HEATR9: variants seen among roughly 807,000 people sequenced by gnomAD.
HEATR9 encodes protein HEATR9.
HEATR9 carries 54 observed loss-of-function variants against 68.2 expected under a neutral mutation model. The observed-to-expected ratio is 0.79, with a 90% CI of 0.64 to 0.99. The LOEUF is 0.99. Among genes scored for constraint, HEATR9 ranks in the 50% least tolerant of loss-of-function variants. The pLI is 0.00. For missense variants in HEATR9, 662 were observed against 679.7 expected, an observed-to-expected ratio of 0.97 and a Z score of 0.29; for synonymous variants, 241 against 253.5, an observed-to-expected ratio of 0.95 and a Z score of 0.47.
rs766659204 is a variant in HEATR9 at position 35,856,154 on chromosome 17, G to GAAGC, written c.1278+15_1278+18dup. 1.1e-5 allele frequency: 17 copies of GAAGC among 1,612,744 alleles called. No individual in the cohort carries two copies. In the East Asian group the frequency reaches 3.3e-4, roughly 32 times the overall value. On this transcript the variant is annotated intron_variant, in intron 13 of 14. Coordinates refer to ENST00000604834, the MANE Select transcript of HEATR9 (RefSeq NM_152781.4). ...CCATCAACACAGGAATTGGGTCAGAGAAGCAGAGCCTGCCTTACCAAAGAG... is the reference window on the plus strand; with the variant it reads ...CCATCAACACAGGAATTGGGTCAGAGAAGCAAGCAGAGCCTGCCTTACCAAAGAG...
At chr17:35,859,221 C>T in intron 8 of HEATR9, 151 bp from the exon 9 acceptor site, 1 of 696,096 alleles carries the variant, frequency 1.4e-6, no homozygotes, top group Non-Finnish European at 2.4e-6. Flanking sequence ...CACCTACTTG[C>T]TTCTAGGTCA....
Position 35,861,431 on chromosome 17 carries a change from G to C in HEATR9, c.756+1564C>G. 3 of 1,606,740 alleles carry C rather than the reference G, an allele frequency of 1.9e-6. No homozygotes were observed. In the Admixed American group the frequency reaches 5.0e-5, roughly 27 times the overall value. ...GCTTTGGTCCACCTAACTTTGCGAG[G>C]ATTGCGCTTCTTTTTAAAGTTTCTA... On this transcript the variant is annotated intron_variant, in intron 8 of 14. Transcript: ENST00000604834.
rs1000672597 is a variant in HEATR9 at position 35,864,659 on chromosome 17, T to G, written c.453+99A>C. On this transcript the variant is annotated intron_variant, in intron 4 of 14. Transcript: ENST00000604834. ...ATCCCTTTTCCTACCCTACCTCTGT[T>G]TTTCAGGCAAGGACTGAGGGCTGAA... 41 of 1,591,478 alleles carry G rather than the reference T, an allele frequency of 2.6e-5. No homozygotes were observed. The Middle Eastern group carries it at 5.0e-4, about 20-fold the overall frequency.
intron 9 of HEATR9, 26 bp from the exon 10 acceptor site, chr17:35,858,551 G>T (rs769106396): frequency 1.3e-5 from 21 of 1,599,094 alleles, no homozygotes; most frequent in Non-Finnish European, 1.5e-5. Context: ...GTAGGGCAGG[G>T]TGTACAGGGC....
rs1384552581 is a variant in HEATR9 at position 35,866,745 on chromosome 17, A to G, written c.117T>C (p.His39=). ...TTACCTGGTAGCAGGACAAGGGCAG[A>G]TGAACAGGAGCCATGGCTTTTCTGA... is the stretch of plus-strand genomic sequence containing the variant. ...KELRKAMAPV[H]LPLSCYQMPK... The change falls in exon 2 of 15, where the codon CAT becomes CAC. Residue 39 remains histidine, a synonymous_variant. Transcript: ENST00000604834. 1.9e-6 allele frequency: 3 copies of G among 1,614,042 alleles called. No individual in the cohort carries two copies. Among genetic ancestry groups the G allele is most frequent in the East Asian group, 2.2e-5 (1 of 44,904 alleles).
intron 3 of HEATR9, 124 bp from the exon 4 acceptor site, chr17:35,865,014 G>A (rs1013462571): frequency 1.4e-6 from 2 of 1,407,568 alleles, no homozygotes; most frequent in South Asian, 2.5e-5. Flanking sequence ...GACAGATGAG[G>A]ACTCAGTGAT....
In HEATR9 at chr17:35,855,671, T is replaced by G; in HGVS notation, c.1358A>C (p.Lys453Thr). The change falls in exon 14 of 15, where the codon AAG (lysine) becomes ACG (threonine). Residue 453 changes from lysine to threonine, a missense_variant. Lys to Thr is a moderately conservative substitution (Grantham distance 78, BLOSUM62 -1). Coordinates refer to ENST00000604834, the MANE Select transcript of HEATR9 (RefSeq NM_152781.4). Reference protein sequence around the residue: ...LLDAENHQAVKKSLQETLILC... With the variant: ...LLDAENHQAVTKSLQETLILC... ...CAGGAACGCCTTACTTACACTCTTC[T>G]TCACAGCCTGGTGGTTTTCTGCATC... 6.2e-7 allele frequency: 1 copy of G among 1,614,000 alleles called. No homozygotes were observed. Among genetic ancestry groups the G allele is most frequent in the Non-Finnish European group, 8.5e-7 (1 of 1,179,964 alleles).
chr17:35,856,333 T>C (rs773087945), intron 12 of HEATR9, 109 bp from the exon 13 acceptor site: 7 of 1,611,538 alleles, frequency 4.3e-6, no homozygotes, highest in Middle Eastern at 1.6e-4. Context: ...GTGATGCTAA[T>C]TTCATTCATT....
rs564977278 is a variant in HEATR9, at chr17:35,867,118, T to C, written c.89-345A>G. On this transcript the variant is annotated intron_variant, in intron 1 of 14. Transcript: ENST00000604834. ...TACAAAAAAAAAAAAAAATTAGCCATGTGTGGTGGTGGGTGCCTGTAGTCC... is the reference window on the plus strand; with the variant it reads ...TACAAAAAAAAAAAAAAATTAGCCACGTGTGGTGGTGGGTGCCTGTAGTCC... Among the ~76,000 whole-genome samples the C allele has an allele frequency of 6.8e-5, 10 of 147,650 alleles. No homozygotes were observed. In the South Asian group the frequency reaches 8.5e-4, roughly 12 times the overall value.
intron 8 of HEATR9, 87 bp downstream of exon 8, chr17:35,862,908 T>TAC: frequency 6.4e-7 from 1 of 1,574,310 alleles, no homozygotes; most frequent in Non-Finnish European, 8.7e-7. Context: ...TGTGCTAGGT[T>TAC]ACCTTCTTCC....
intron 3 of HEATR9, 25 bp from the exon 4 acceptor site, chr17:35,864,915 C>T: frequency 6.2e-7 from 1 of 1,614,150 alleles, no homozygotes; most frequent in South Asian, 1.1e-5. Flanking sequence ...GCATAGGCAG[C>T]TTTGGTCCCT....
chr17:35,861,645 G>A lies in HEATR9; in HGVS notation c.756+1350C>T, dbSNP rs2087996361. On this transcript the variant is annotated intron_variant, in intron 8 of 14. Transcript: ENST00000604834. ...CCCTTTGCATTGGTCCTTCTGCCTG[G>A]AATGTCTTCTCTCAGATATCTGTAA... 10 of 589,718 alleles carry A rather than the reference G, an allele frequency of 1.7e-5. No homozygotes were observed. In the Admixed American group the frequency reaches 2.0e-4, roughly 12 times the overall value. 36.5% of individuals were successfully genotyped at this position (589,718 alleles called of 1,614,324 possible).
At position 35,857,889 on chromosome 17, in the gene HEATR9, G is replaced by A. The variant is rs183509120; in HGVS notation, c.1152+311C>T. Among the ~76,000 whole-genome samples, 181 of 152,330 alleles carry A rather than the reference G, an allele frequency of 1.2e-3. 1 individual carries two copies. Among genetic ancestry groups the A allele is most frequent in the African/African-American group, 4.2e-3 (173 of 41,572 alleles). On this transcript the variant is annotated intron_variant, in intron 11 of 14. Transcript: ENST00000604834. The stretch of plus-strand genomic sequence containing the variant: ...GGGAAAGCTTCCCATAGGAGGTATC[G>A]TTGGGATCGGTCTTGAAGGAGCAAT...
At chr17:35,864,200 G>T (rs750200133) in intron 6 of HEATR9, 46 bp downstream of exon 6, 8 of 1,526,306 alleles carry the variant, frequency 5.2e-6, no homozygotes, top group Admixed American at 1.7e-5. Flanking sequence ...ACACATCTCA[G>T]ACCCTGTTTC....
intron 4 of HEATR9, 57 bp from the exon 5 acceptor site, chr17:35,864,610 A>G (rs2088126325): frequency 6.3e-7 from 1 of 1,593,912 alleles, no homozygotes; most frequent in Non-Finnish European, 8.5e-7. Flanking sequence ...AGAATTTCAA[A>G]CTAAAGGGAG....
intron 8 of HEATR9, among the ~76,000 whole-genome samples, chr17:35,860,407 A>AG (rs1491364266): frequency 1.3e-5 from 2 of 149,358 alleles, no homozygotes; most frequent in Non-Finnish European, 3.0e-5. Context: ...AAAAAAAAAA[A>AG]CAAGAACTTT....
intron 2 of HEATR9, among the ~76,000 whole-genome samples, chr17:35,865,972 C>T (rs1318183993): frequency 6.6e-6 from 1 of 152,156 alleles, no homozygotes; most frequent in Non-Finnish European, 1.5e-5. Flanking sequence ...ATCACTTAAA[C>T]AATTGTGAAA....
Position 35,855,832 on chromosome 17 carries a change from G to A in HEATR9, c.1279-82C>T. The A allele has an allele frequency of 3.4e-6, 4 of 1,183,310 alleles. No individual in the cohort carries two copies. The South Asian group carries it at 4.9e-5, about 14-fold the overall frequency. 73.3% of individuals were successfully genotyped at this position (1,183,310 alleles called of 1,614,324 possible). A position where few individuals can be genotyped will look rare whatever the true frequency, so the allele number is the denominator to read the frequency against. ...CTCTTTCCCATTCTAGCCCCTTTGT[G>A]AGACTCTGCAGCATAGAGAGGGGGG... On this transcript the variant is annotated intron_variant, in intron 13 of 14. Transcript: ENST00000604834.
rs112816096 is a variant in HEATR9 at position 35,857,879 on chromosome 17, A to C, written c.1152+321T>G. 8.3e-3 allele frequency among the ~76,000 whole-genome samples: 1,266 copies of C among 152,336 alleles called. 25 individuals carry two copies. Among genetic ancestry groups the C allele is most frequent in the African/African-American group, 0.029 (1,214 of 41,574 alleles). ...TTGGTGATTTGGGAAAGCTTCCCAT[A>C]GGAGGTATCGTTGGGATCGGTCTTG... On this transcript the variant is annotated intron_variant, in intron 11 of 14. Coordinates refer to ENST00000604834, the MANE Select transcript of HEATR9 (RefSeq NM_152781.4).
Sources: allele counts gnomAD v4.1 joint callset (sites outside exome capture counted in the v4.1 genomes callset), GRCh38; gene constraint gnomAD v4.1.1; transcripts MANE v1.5; gene names NCBI Gene and HGNC (gene_info 2026-07-23, HGNC 2026-07-21).